Variants in ATP2C2 observed in about 807,000 individuals in gnomAD.
The protein encoded by ATP2C2 is ATPase secretory pathway Ca2+ transporting 2, also known as calcium-transporting ATPase type 2C member 2.
ATP2C2 carries 171 observed loss-of-function variants against 110.8 expected under a neutral mutation model. The ratio of observed to expected loss-of-function variants is 1.54; its 90% CI spans 1.36 to 1.75. The LOEUF (loss-of-function observed/expected upper bound fraction) is 1.75. ATP2C2 is among the 40% of genes most tolerant of loss of function. The pLI is 0.00. For missense variants in ATP2C2, 1,963 were observed against 1,235.0 expected (o/e 1.59, Z -8.84); for synonymous variants, 804 against 508.4 (o/e 1.58, Z -7.82).
At chr16:84,406,682 T>C (rs1905798365) in intron 3 of ATP2C2, 1 of 979,730 alleles carries the variant, frequency 1.0e-6, no homozygotes, top group Non-Finnish European at 1.2e-6. Context: ...CCCAGAAGCT[T>C]CCTAAAACTG....
intron 23 of ATP2C2, chr16:84,460,344 C>T (rs1183464263): frequency 5.4e-6 from 2 of 373,404 alleles, no homozygotes; most frequent in Non-Finnish European, 9.8e-6. Flanking sequence ...CCAGGCGCAA[C>T]GTTGGGGGGG....
Position 84,425,961 on chromosome 16 carries a change from C to A in ATP2C2, c.986+160C>A, listed in dbSNP as rs568955184. The A allele has an allele frequency of 1.1e-4, 90 of 802,736 alleles. 1 individual carries two copies. In the East Asian group the frequency reaches 2.2e-3, roughly 20 times the overall value. The allele number at this position is 802,736 out of a possible 1,614,324, so 49.7% of individuals were successfully genotyped here. A position where few individuals can be genotyped will look rare whatever the true frequency, so the allele number is the denominator to read the frequency against. On this transcript the variant is annotated intron_variant, in intron 11 of 26. Transcript: ENST00000262429. Reference sequence around the variant, plus strand: ...AGCCTCCCAATAGCATGTTCTCCGACAGGTACAGAGTGCCCGGCGAATGCT... The same window carrying A: ...AGCCTCCCAATAGCATGTTCTCCGAAAGGTACAGAGTGCCCGGCGAATGCT...
Position 84,422,396 on chromosome 16 carries a change from G to T in ATP2C2, c.631G>T (p.Asp211Tyr), listed in dbSNP as rs1388364227. The stretch of plus-strand genomic sequence containing the variant: ...TTTCCCCTTGCTCTCCTAGGTCACG[G>T]ACCTCTTGGTGGATGAATCCAGTTT... ...PADIRLTEVT[D>Y]LLVDESSFTG... is the part of the protein sequence containing the mutation. Residue 211 changes from aspartate (D) to tyrosine (Y), a missense_variant, in exon 8 of 27, where the codon GAC becomes TAC. Transcript: ENST00000262429. 6.2e-7 allele frequency: 1 copy of T among 1,613,816 alleles called. No individual in the cohort carries two copies. The highest frequency in any genetic ancestry group is 1.3e-5 in the African/African-American group (1 of 74,906).
rs748538382 is a variant in ATP2C2 at position 84,462,083 on chromosome 16, C to T, written c.2676C>T (p.Ile892=). Residue 892 remains isoleucine, a synonymous_variant, in exon 26 of 27, where the codon ATC becomes ATT. Coordinates refer to ENST00000262429, the MANE Select transcript of ATP2C2 (RefSeq NM_014861.4). ...SILGQLAVIY[I]PPLQRVFQTE... is the part of the protein sequence containing the mutation. ...TGGGGCAGCTGGCGGTCATTTACAT[C>T]CCCCCGCTGCAGAGGGTCTTCCAGA... is the stretch of plus-strand genomic sequence containing the variant. 4 of 1,613,982 alleles carry T rather than the reference C, an allele frequency of 2.5e-6. No homozygotes were observed. Among genetic ancestry groups the T allele is most frequent in the Non-Finnish European group, 3.4e-6 (4 of 1,179,942 alleles).
At chr16:84,421,665 C>A (rs1454793128) in intron 7 of ATP2C2, among the ~76,000 whole-genome samples, 1 of 152,162 alleles carries the variant, frequency 6.6e-6, no homozygotes, top group Non-Finnish European at 1.5e-5. Context: ...TGCGGTTTTG[C>A]AAGATGGTTA....
At chr16:84,378,685 A>G (rs1910393086) in intron 1 of ATP2C2, among the ~76,000 whole-genome samples, 1 of 152,226 alleles carries the variant, frequency 6.6e-6, no homozygotes, top group Non-Finnish European at 1.5e-5. Context: ...GTCCATAGAA[A>G]GCGCTCAGTG....
chr16:84,371,257 C>G (rs1361902484), intron 1 of ATP2C2, among the ~76,000 whole-genome samples: 1 of 152,188 alleles, frequency 6.6e-6, no homozygotes, highest in East Asian at 1.9e-4. Flanking sequence ...TGGCTCATGC[C>G]TGTCATCCCC....
intron 21 of ATP2C2, among the ~76,000 whole-genome samples, chr16:84,458,424 A>C (rs1416918988): frequency 2.8e-4 from 40 of 143,898 alleles, no homozygotes; most frequent in South Asian, 4.8e-4. Flanking sequence ...GCAGCGCACC[A>C]GCATGGCACA....
intron 1 of ATP2C2, among the ~76,000 whole-genome samples, chr16:84,370,015 C>T (rs942410952): frequency 6.6e-6 from 1 of 152,222 alleles, no homozygotes. Context: ...GGTTGCCTTT[C>T]CTATGTTGCC....
rs1372635603 is a variant in ATP2C2 at position 84,453,348 on chromosome 16, A to C, written c.1957A>C (p.Lys653Gln). 6 of 1,614,130 alleles carry C rather than the reference A, an allele frequency of 3.7e-6. No homozygotes were observed. Among genetic ancestry groups the C allele is most frequent in the Non-Finnish European group, 5.1e-6 (6 of 1,180,010 alleles). ...GTCCGTGTTCTTCAGGACCAGCCCA[A>C]AGCACAAGCTCAAAATCATCAAGGT... ...KVSVFFRTSP[K>Q]HKLKIIKALQ... The change falls in exon 20 of 27, where the codon AAG becomes CAG. Residue 653 changes from lysine to glutamine, a missense_variant. Coordinates refer to ENST00000262429, the MANE Select transcript of ATP2C2 (RefSeq NM_014861.4).
In ATP2C2 at chr16:84,392,985, T is replaced by G. The variant is rs1816187630; in HGVS notation, c.100-5514T>G. 2.0e-5 allele frequency among the ~76,000 whole-genome samples: 3 copies of G among 152,216 alleles called. No homozygotes were observed. The South Asian group carries it at 6.2e-4, about 32-fold the overall frequency. ...TAGGTGCATCATGGCTGATCAACCT[T>G]CCTCACGATTTACCCTGAGTTTGTT... On this transcript the variant is annotated intron_variant, in intron 1 of 26. Coordinates refer to ENST00000262429, the MANE Select transcript of ATP2C2 (RefSeq NM_014861.4).
In ATP2C2 at chr16:84,402,085, G is replaced by A. The variant is rs553231854; in HGVS notation, c.211-3043G>A. Among the ~76,000 whole-genome samples the A allele has an allele frequency of 4.0e-5, 6 of 151,532 alleles. No homozygotes were observed. In the South Asian group the frequency reaches 1.3e-3, roughly 32 times the overall value. On this transcript the variant is annotated intron_variant, in intron 2 of 26. Coordinates refer to ENST00000262429, the MANE Select transcript of ATP2C2 (RefSeq NM_014861.4). ...TCCTAGATATTTAATTTGCAGCTGT[G>A]GTAAATGGGATTACTTAATTGATTT...
At chr16:84,434,447 C>G (rs1452375574) in intron 11 of ATP2C2, among the ~76,000 whole-genome samples, 4 of 151,752 alleles carry the variant, frequency 2.6e-5, no homozygotes, top group Non-Finnish European at 5.9e-5. Flanking sequence ...AAAAAAATTC[C>G]CTATATGTTA....
intron 16 of ATP2C2, 127 bp downstream of exon 16, chr16:84,446,557 T>G (rs1597854299): frequency 3.6e-6 from 2 of 562,190 alleles, no homozygotes; most frequent in Middle Eastern, 6.3e-4. Flanking sequence ...TCCAAATACA[T>G]GGAAAAACTT....
intron 2 of ATP2C2, among the ~76,000 whole-genome samples, chr16:84,401,060 C>T (rs955794464): frequency 6.6e-6 from 1 of 152,080 alleles, no homozygotes; most frequent in Non-Finnish European, 1.5e-5. Context: ...TGTGCAGAAG[C>T]CTTTTAACTT....
intron 4 of ATP2C2, 98 bp from the exon 5 acceptor site, chr16:84,410,470 G>T: frequency 7.3e-7 from 1 of 1,369,604 alleles, no homozygotes; most frequent in East Asian, 2.3e-5. Flanking sequence ...CAAGAAGAAA[G>T]GAAATCAATC....
At chr16:84,443,383 C>T (rs144915002) in intron 15 of ATP2C2, among the ~76,000 whole-genome samples, 2,001 of 152,280 alleles carry the variant, frequency 0.013, 22 homozygotes, top group Middle Eastern at 0.058. Flanking sequence ...TTCCCCGACC[C>T]GCTCCGTGCT....
intron 11 of ATP2C2, among the ~76,000 whole-genome samples, chr16:84,436,963 T>C (rs1278781563): frequency 1.3e-5 from 2 of 152,016 alleles, no homozygotes; most frequent in African/African-American, 2.4e-5. Flanking sequence ...GGTTTCTCCA[T>C]GTTGGCCAGG....
At chr16:84,401,641 G>T (rs1567697316) in intron 2 of ATP2C2, among the ~76,000 whole-genome samples, 1 of 152,124 alleles carries the variant, frequency 6.6e-6, no homozygotes, top group Non-Finnish European at 1.5e-5. Context: ...GTTCACTGTA[G>T]ATGTATGGAT....
Sources: gnomAD v4.1 joint callset for allele counts (sites outside exome capture counted in the v4.1 genomes callset) on GRCh38, gnomAD v4.1.1 for gene constraint, MANE v1.5 for transcripts, NCBI Gene and HGNC (gene_info 2026-07-23, HGNC 2026-07-21) for gene names.